IL17RE: variants seen among roughly 807,000 people sequenced by gnomAD.
The protein encoded by IL17RE is interleukin 17 receptor E, also known as interleukin-17 receptor E.
A neutral mutation model predicts 70.7 loss-of-function variants in IL17RE; 47 were observed. That is an observed-to-expected ratio of 0.67 (90% CI 0.53 to 0.85). The LOEUF is 0.85. IL17RE is among the 40% of genes least tolerant of loss of function. The pLI is 0.00. For missense variants in IL17RE, 850 were observed against 893.9 expected (o/e 0.95, Z 0.63); for synonymous variants, 372 against 381.2 (o/e 0.98, Z 0.28).
Position 9,914,039 on chromosome 3 carries a change from C to A in IL17RE, c.1296+15C>A, listed in dbSNP as rs769928653. On this transcript the variant is annotated intron_variant, in intron 13 of 15. Transcript: ENST00000383814. ...GCTGTGTCCTGGTAAGGAAACCTAC[C>A]CTCACTCTACATACAGAGCCTTGGC... is the stretch of plus-strand genomic sequence containing the variant. 1 of 1,596,650 alleles carries A rather than the reference C, an allele frequency of 6.3e-7. No individual in the cohort carries two copies. The highest frequency in any genetic ancestry group is 8.6e-7 in the Non-Finnish European group (1 of 1,164,096).
chr3:9,910,854 C>T lies in IL17RE; in HGVS notation c.803-11C>T, dbSNP rs201816222. The stretch of plus-strand genomic sequence containing the variant: ...GCTGACCCTCACCCACTGACCCTGC[C>T]ACCTGCCCAGATGGCTCGGACTTCT... On this transcript the variant is annotated splice_polypyrimidine_tract_variant and intron_variant, in intron 8 of 15. Coordinates refer to ENST00000383814, the MANE Select transcript of IL17RE (RefSeq NM_153480.2). 1.5e-3 allele frequency: 2,338 copies of T among 1,611,666 alleles called. 48 individuals carry two copies. In the South Asian group the frequency reaches 0.022, roughly 15 times the overall value.
chr3:9,902,410 C>A (rs2082659954), upstream of IL17RE, among the ~76,000 whole-genome samples: 1 of 152,066 alleles, frequency 6.6e-6, no homozygotes, highest in Non-Finnish European at 1.5e-5. Flanking sequence ...CATGTGCATC[C>A]TAGAGTGCTT....
chr3:9,904,603 T>G (rs279585), intron 3 of IL17RE, among the ~76,000 whole-genome samples: 83,548 of 151,876 alleles, frequency 0.55, 23,731 homozygotes, highest in African/African-American at 0.63. Flanking sequence ...TGGACAACAT[T>G]GTGAAACCCC....
chr3:9,906,999 G>T lies in IL17RE; in HGVS notation c.565G>T (p.Ala189Ser). Residue 189 changes from alanine to serine, a missense_variant, in exon 6 of 16, where the codon GCT (alanine) becomes TCT (serine). Transcript: ENST00000383814. ...CTTTGATTTGCTGCCTGAGGCCCGG[G>T]CTATTCGGGTGACCATATCTTCAGG... ...FSFDLLPEAR[A>S]IRVTISSGPE... The T allele has an allele frequency of 6.2e-7, 1 of 1,614,146 alleles. No homozygotes were observed. Among genetic ancestry groups the T allele is most frequent in the Non-Finnish European group, 8.5e-7 (1 of 1,180,020 alleles).
At position 9,910,931 on chromosome 3, in the gene IL17RE, C is replaced by T. The variant is rs577817135; in HGVS notation, c.869C>T (p.Ala290Val). The change falls in exon 9 of 16, where the codon GCC becomes GTC. Residue 290 changes from alanine (A) to valine (V), a missense_variant. Physicochemically the swap from Ala to Val is moderately conservative, Grantham distance 64. Transcript: ENST00000383814. ...AGCCAGCACACTCAGATGGTCATGG[C>T]CCTGACACTCCGCTGCCCACTGAAG... The part of the protein sequence containing the change: ...DYSQHTQMVM[A>V]LTLRCPLKLE... 2 of 1,614,166 alleles carry T rather than the reference C, an allele frequency of 1.2e-6. No homozygotes were observed. Among genetic ancestry groups the T allele is most frequent in the African/African-American group, 1.3e-5 (1 of 75,042 alleles).
chr3:9,902,913 C>A lies in IL17RE; in HGVS notation c.-20C>A. 1.9e-6 allele frequency: 3 copies of A among 1,614,212 alleles called. No homozygotes were observed. The highest frequency in any genetic ancestry group is 1.7e-4 in the Middle Eastern group (1 of 6,058). ...AGGCCATGCAGCCATGTTCCGGGAGCCCTAATTGCACAGAAGCCCATGGGG... is the reference window on the plus strand; with the variant it reads ...AGGCCATGCAGCCATGTTCCGGGAGACCTAATTGCACAGAAGCCCATGGGG... On this transcript the variant is annotated 5_prime_UTR_variant, in exon 1 of 16. Transcript: ENST00000383814.
intron 1 of IL17RE, 39 bp from the exon 2 acceptor site, chr3:9,903,358 C>T (rs775881681): frequency 1.9e-6 from 3 of 1,612,148 alleles, no homozygotes; most frequent in East Asian, 2.2e-5. Flanking sequence ...CTAATAATAG[C>T]TCTTTCCTTT....
In IL17RE at chr3:9,915,897, C is replaced by T. The variant is rs2083049644; in HGVS notation, c.*90C>T. On this transcript the variant is annotated 3_prime_UTR_variant, in exon 16 of 16. Coordinates refer to ENST00000383814, the MANE Select transcript of IL17RE (RefSeq NM_153480.2). The surrounding 1 kb of genome is among the most constrained non-coding windows in gnomAD (Gnocchi z 4.9). ...GGAATGAGCCTTCGACCCTGAAATCCTTGGGGTGCCTCGAGGACGACTGGC... is the reference window on the plus strand; with the variant it reads ...GGAATGAGCCTTCGACCCTGAAATCTTTGGGGTGCCTCGAGGACGACTGGC... The T allele has an allele frequency of 7.2e-7, 1 of 1,384,656 alleles. No individual in the cohort carries two copies. The highest frequency in any genetic ancestry group is 1.5e-5 in the African/African-American group (1 of 66,570). The allele number at this position is 1,384,656 out of a possible 1,614,324, so 85.8% of individuals were successfully genotyped here. A position where few individuals can be genotyped will look rare whatever the true frequency, so the allele number is the denominator to read the frequency against.
Position 9,906,952 on chromosome 3 carries a change from T to TCTC in IL17RE, c.527-7_527-5dup. ...AGAGACAAGGCCACTGAGTCCTTCC[T>TCTC]CTCCCCAGGACCCGAGTTCTCCTTT... On this transcript the variant is annotated splice_polypyrimidine_tract_variant and intron_variant, in intron 5 of 15. Coordinates refer to ENST00000383814, the MANE Select transcript of IL17RE (RefSeq NM_153480.2). 1 of 1,614,108 alleles carries TCTC rather than the reference T, an allele frequency of 6.2e-7. No homozygotes were observed.
chr3:9,913,556 C>T (rs371466015), intron 12 of IL17RE, among the ~76,000 whole-genome samples: 1 of 152,168 alleles, frequency 6.6e-6, no homozygotes, highest in Non-Finnish European at 1.5e-5. Context: ...AAGCCTGGAC[C>T]CAGGTCTCCT....
At position 9,908,303 on chromosome 3, in the gene IL17RE, T is replaced by G; in HGVS notation, c.731T>G (p.Ile244Arg). The G allele has an allele frequency of 6.2e-7, 1 of 1,613,992 alleles. No homozygotes were observed. The highest frequency in any genetic ancestry group is 1.1e-5 in the South Asian group (1 of 91,058). Residue 244 changes from isoleucine to arginine, a missense_variant, in exon 7 of 16, where the codon ATA (isoleucine) becomes AGA (arginine). By Grantham distance (97) the Ile-to-Arg change is moderately conservative. Transcript: ENST00000383814. Reference protein sequence around the residue: ...PYEFLLPCLCIEASYLQEDTV... With the variant: ...PYEFLLPCLCREASYLQEDTV... ...GAATTCCTTCTGCCCTGTCTGTGCATAGAGGTGAGCAAAGGAAAAGGTGTG... is the reference window on the plus strand; with the variant it reads ...GAATTCCTTCTGCCCTGTCTGTGCAGAGAGGTGAGCAAAGGAAAAGGTGTG...
chr3:9,913,813 C>T, intron 12 of IL17RE, 143 bp from the exon 13 acceptor site: 2 of 657,274 alleles, frequency 3.0e-6, no homozygotes, highest in Non-Finnish European at 5.5e-6. Flanking sequence ...ACTGGGGAAG[C>T]CTTCTTGTCA....
At chr3:9,904,500 C>G (rs71314372) in intron 3 of IL17RE, among the ~76,000 whole-genome samples, 1 of 152,196 alleles carries the variant, frequency 6.6e-6, no homozygotes, top group African/African-American at 2.4e-5. Flanking sequence ...TTGGCAGTTT[C>G]TAGGCCAGGC....
Position 9,911,612 on chromosome 3 carries a change from C to G in IL17RE, c.1227+15C>G. The G allele has an allele frequency of 6.2e-7, 1 of 1,605,960 alleles. No homozygotes were observed. Among genetic ancestry groups the G allele is most frequent in the Non-Finnish European group, 8.5e-7 (1 of 1,173,462 alleles). On this transcript the variant is annotated intron_variant, in intron 12 of 15. Transcript: ENST00000383814. The stretch of plus-strand genomic sequence containing the variant: ...CTGTCAGCCAGGTATGGCCTCGCCC[C>G]CACTAGGTCCTATTGCTCAGAGCAC...
At chr3:9,908,371 T>A in intron 7 of IL17RE, 64 bp downstream of exon 7, 4 of 1,407,804 alleles carry the variant, frequency 2.8e-6, no homozygotes, top group Non-Finnish European at 4.0e-6. Context: ...GGTAGCGCAG[T>A]TGGTCAAGTA....
In IL17RE at chr3:9,904,094, G is replaced by A; in HGVS notation, c.211G>A (p.Val71Met). ...WALFSTKPWC[V>M]RVWHCSRCLC... is the part of the protein sequence containing the mutation. The stretch of plus-strand genomic sequence containing the variant: ...CCTCTTCTCCACAAAGCCTTGGTGT[G>A]TGCGAGTCTGGCACTGTTCCCGCTG... The change falls in exon 3 of 16, where the codon GTG becomes ATG. Residue 71 changes from valine to methionine, a missense_variant. By Grantham distance (21) the Val-to-Met change is conservative. Coordinates refer to ENST00000383814, the MANE Select transcript of IL17RE (RefSeq NM_153480.2). The A allele has an allele frequency of 1.9e-6, 3 of 1,614,194 alleles. No homozygotes were observed. Among genetic ancestry groups the A allele is most frequent in the Non-Finnish European group, 2.5e-6 (3 of 1,180,032 alleles).
Position 9,907,006 on chromosome 3 carries a change from G to C in IL17RE, c.572G>C (p.Arg191Pro). 1 of 1,614,042 alleles carries C rather than the reference G, an allele frequency of 6.2e-7. No homozygotes were observed. The highest frequency in any genetic ancestry group is 8.5e-7 in the Non-Finnish European group (1 of 1,180,014). ...TTGCTGCCTGAGGCCCGGGCTATTC[G>C]GGTGACCATATCTTCAGGCCCTGAG... ...FDLLPEARAI[R>P]VTISSGPEVS... The change falls in exon 6 of 16, where the codon CGG becomes CCG. Residue 191 changes from arginine to proline, a missense_variant. Arg to Pro is a moderately radical substitution (Grantham distance 103). Transcript: ENST00000383814.
upstream of IL17RE, chr3:9,902,789 A>T: frequency 6.5e-7 from 1 of 1,550,146 alleles, no homozygotes; most frequent in Non-Finnish European, 8.7e-7. Context: ...GGGATCAAGG[A>T]GGAGCTTTCG....
At chr3:9,907,674 AG>A (rs1406614078) in intron 6 of IL17RE, among the ~76,000 whole-genome samples, 2 of 152,216 alleles carry the variant, frequency 1.3e-5, no homozygotes, top group African/African-American at 2.4e-5. Flanking sequence ...CTCCCCTAAG[AG>A]GTTGTATCGC....
Sources: allele counts gnomAD v4.1 joint callset (sites outside exome capture counted in the v4.1 genomes callset), GRCh38; gene constraint gnomAD v4.1.1; non-coding constraint Gnocchi (gnomAD v3.1); transcripts MANE v1.5; gene names NCBI Gene and HGNC (gene_info 2026-07-23, HGNC 2026-07-21).